Variants in NCKAP5 observed in about 807,000 individuals in gnomAD.
NCKAP5 encodes NCK associated protein 5, also known as nck-associated protein 5.
NCKAP5 carries 92 observed loss-of-function variants against 167.0 expected under a neutral mutation model. The ratio of observed to expected loss-of-function variants is 0.55; its 90% CI spans 0.47 to 0.66. NCKAP5 has a LOEUF of 0.66. Ranked by LOEUF, NCKAP5 falls within the 30% of genes least tolerant of loss-of-function variation. NCKAP5 has a pLI of 0.00. For missense variants in NCKAP5, 2,378 were observed against 2,315.0 expected, an observed-to-expected ratio of 1.03 and a Z score of -0.56; for synonymous variants, 891 against 877.4, an observed-to-expected ratio of 1.02 and a Z score of -0.27.
At chr2:132,924,350 T>C (rs973526984) in intron 8 of NCKAP5, among the ~76,000 whole-genome samples, 1 of 152,170 alleles carries the variant, frequency 6.6e-6, no homozygotes, top group East Asian at 1.9e-4. Context: ...GGAAGTTTTG[T>C]TGCAATGAGC....
At position 133,375,088 on chromosome 2, in the gene NCKAP5, T is replaced by C. The variant is rs75949799; in HGVS notation, c.70-71978A>G. Among the ~76,000 whole-genome samples, 498 of 152,274 alleles carry C rather than the reference T, an allele frequency of 3.3e-3. 7 individuals carry two copies. Among genetic ancestry groups the C allele is most frequent in the African/African-American group, 0.011 (455 of 41,552 alleles). ...AAGATGGTGGGAAGCAGTGCTTATC[T>C]GGTAACGGAACACCTCCTTAAAATG... On this transcript the variant is annotated intron_variant, in intron 3 of 19. Transcript: ENST00000409261.
At chr2:133,633,322 C>T in the NCKAP5 span, among the ~76,000 whole-genome samples, 7 of 152,326 alleles carry the variant, frequency 4.6e-5, no homozygotes, top group African/African-American at 1.2e-4. Flanking sequence ...CCAGAACGGC[C>T]GCTTGGCCTT....
chr2:132,695,893 A>G lies in NCKAP5; in HGVS notation c.5714-22588T>C, dbSNP rs574388179. ...AAAACCTTTAAGAGCATCTAATTTC[A>G]GAGATGTATACCCTTCTACTAGCTT... On this transcript the variant is annotated intron_variant, in intron 19 of 19. Transcript: ENST00000409261. Among the ~76,000 whole-genome samples, 9 of 152,294 alleles carry G rather than the reference A, an allele frequency of 5.9e-5. No homozygotes were observed. The South Asian group carries it at 1.9e-3, about 32-fold the overall frequency.
chr2:132,860,189 C>A lies in NCKAP5; in HGVS notation c.807+303G>T, dbSNP rs193102871. 1.3e-4 allele frequency among the ~76,000 whole-genome samples: 20 copies of A among 152,242 alleles called. No homozygotes were observed. In the East Asian group the frequency reaches 1.7e-3, roughly 13 times the overall value. On this transcript the variant is annotated intron_variant, in intron 11 of 19. Coordinates refer to ENST00000409261, the MANE Select transcript of NCKAP5 (RefSeq NM_207363.3). ...TATGCAAGATTACTAATGCTGGTCC[C>A]CAAAGCAATCAATTATTTCCTAACT... is the stretch of plus-strand genomic sequence containing the variant.
intron 5 of NCKAP5, among the ~76,000 whole-genome samples, chr2:133,175,235 G>A (rs1436134753): frequency 2.0e-5 from 3 of 151,916 alleles, no homozygotes; most frequent in East Asian, 3.9e-4. Flanking sequence ...AGATTTTAAG[G>A]GTTTAATACC....
intron 6 of NCKAP5, among the ~76,000 whole-genome samples, chr2:133,054,479 G>A (rs751468448): frequency 6.6e-6 from 1 of 152,144 alleles, no homozygotes; most frequent in Non-Finnish European, 1.5e-5. Flanking sequence ...TGCCAAGAGG[G>A]AGCCTGGGAG....
At chr2:133,061,385 C>T (rs1407421216) in intron 6 of NCKAP5, among the ~76,000 whole-genome samples, 4 of 152,338 alleles carry the variant, frequency 2.6e-5, no homozygotes, top group Admixed American at 6.5e-5. Flanking sequence ...TCATTTAATC[C>T]TCAAAACTCG....
chr2:133,487,670 G>A (rs1309002273), intron 3 of NCKAP5, among the ~76,000 whole-genome samples: 1 of 152,088 alleles, frequency 6.6e-6, no homozygotes, highest in East Asian at 1.9e-4. Flanking sequence ...GGCATTCAGT[G>A]GTCTGAAGAT....
At chr2:133,582,911 A>G in the NCKAP5 span, among the ~76,000 whole-genome samples, 1 of 152,230 alleles carries the variant, frequency 6.6e-6, no homozygotes, top group Non-Finnish European at 1.5e-5. Flanking sequence ...CCAACTAATA[A>G]GAATTTTCAC....
At chr2:133,050,894 A>ATT (rs2079577640) in intron 6 of NCKAP5, among the ~76,000 whole-genome samples, 1 of 152,242 alleles carries the variant, frequency 6.6e-6, no homozygotes, top group African/African-American at 2.4e-5. Flanking sequence ...ACCAAAAAGA[A>ATT]AGAGGGATAA....
chr2:133,266,330 G>C (rs1559334184), intron 4 of NCKAP5: 1 of 152,790 alleles, frequency 6.5e-6, no homozygotes, highest in Non-Finnish European at 1.5e-5. Flanking sequence ...AGGACCTTGA[G>C]GGAGGCATTG....
chr2:133,347,998 G>A (rs1255642037), intron 3 of NCKAP5, among the ~76,000 whole-genome samples: 1 of 152,200 alleles, frequency 6.6e-6, no homozygotes, highest in East Asian at 1.9e-4. Context: ...GATGGGGCAG[G>A]AGACACAGAA....
intron 5 of NCKAP5, among the ~76,000 whole-genome samples, chr2:133,141,420 A>T (rs1335235144): frequency 2.0e-5 from 3 of 152,046 alleles, no homozygotes; most frequent in African/African-American, 7.2e-5. Flanking sequence ...GAAAAAAAAA[A>T]AACACAACTC....
At chr2:133,482,673 T>C (rs564675662) in intron 3 of NCKAP5, among the ~76,000 whole-genome samples, 2 of 152,358 alleles carry the variant, frequency 1.3e-5, no homozygotes, top group East Asian at 3.9e-4. Flanking sequence ...GTGAGATTGC[T>C]GGATCAAATC....
At chr2:133,390,813 C>T (rs371056642) in intron 3 of NCKAP5, among the ~76,000 whole-genome samples, 4 of 152,258 alleles carry the variant, frequency 2.6e-5, no homozygotes, top group South Asian at 4.1e-4. Flanking sequence ...GACTTGGTCA[C>T]GGATAATTTA....
At chr2:133,038,405 G>C (rs919124949) in intron 6 of NCKAP5, among the ~76,000 whole-genome samples, 7 of 152,128 alleles carry the variant, frequency 4.6e-5, no homozygotes, top group Non-Finnish European at 7.4e-5. Context: ...CTTATTTGTC[G>C]GATCTAAAAA....
At chr2:133,623,846 T>C in the NCKAP5 span, among the ~76,000 whole-genome samples, 6 of 152,272 alleles carry the variant, frequency 3.9e-5, no homozygotes, top group East Asian at 1.2e-3. Flanking sequence ...TGCACACACA[T>C]GTTCACTGCA....
chr2:132,923,077 A>G (rs1695570187), intron 8 of NCKAP5, among the ~76,000 whole-genome samples: 1 of 152,130 alleles, frequency 6.6e-6, no homozygotes, highest in African/African-American at 2.4e-5. Flanking sequence ...AGGTAAACTA[A>G]TCCAGCTACA....
intron 5 of NCKAP5, among the ~76,000 whole-genome samples, chr2:133,174,810 C>T (rs2084391269): frequency 1.3e-5 from 2 of 151,604 alleles, no homozygotes; most frequent in African/African-American, 4.9e-5. Context: ...CAAGATTGGT[C>T]TCTAGCTGTA....
Sources: gnomAD v4.1 joint callset for allele counts (sites outside exome capture counted in the v4.1 genomes callset) on GRCh38, gnomAD v4.1.1 for gene constraint, MANE v1.5 for transcripts, NCBI Gene and HGNC (gene_info 2026-07-23, HGNC 2026-07-21) for gene names.